PLEKHA6: variants seen among roughly 807,000 people sequenced by gnomAD.
PLEKHA6 encodes pleckstrin homology domain-containing family A member 6.
Under a neutral mutation model 116.7 loss-of-function variants are expected in PLEKHA6, and 60 were observed. The ratio of observed to expected loss-of-function variants is 0.51; its 90% CI spans 0.42 to 0.64. The LOEUF (loss-of-function observed/expected upper bound fraction) is 0.64, where lower values mean the gene tolerates loss of function less well. Among genes scored for constraint, PLEKHA6 ranks in the 30% least tolerant of loss-of-function variants. The probability of loss-of-function intolerance (pLI) is 0.00; values close to 1 mark genes in which losing one functional copy is unlikely to be tolerated. For missense variants in PLEKHA6, 1,338 were observed against 1,422.7 expected (o/e 0.94, Z 0.96); for synonymous variants, 489 against 556.1 (o/e 0.88, Z 1.70).
chr1:204,329,311 C>T (rs553875862), intron 1 of PLEKHA6, among the ~76,000 whole-genome samples: 8 of 152,286 alleles, frequency 5.3e-5, no homozygotes, highest in South Asian at 2.1e-4. Context: ...TCATGGGGCC[C>T]ATGTCTTACC....
intron 1 of PLEKHA6, chr1:204,282,551 A>T: frequency 1.4e-6 from 1 of 703,128 alleles, no homozygotes; most frequent in Non-Finnish European, 1.7e-6. Context: ...GCCTGGCACC[A>T]CAGGGCCCTC....
intron 3 of PLEKHA6, 92 bp from the exon 4 acceptor site, chr1:204,268,404 C>A: frequency 1.2e-6 from 1 of 823,428 alleles, no homozygotes; most frequent in Non-Finnish European, 1.8e-6. Flanking sequence ...GCTGCTTCTC[C>A]CTAGGGTTAA....
At chr1:204,265,602 T>A (rs1666701162) in intron 5 of PLEKHA6, among the ~76,000 whole-genome samples, 7 of 152,232 alleles carry the variant, frequency 4.6e-5, no homozygotes, top group Admixed American at 4.6e-4. Context: ...CCTCGCTAAA[T>A]GAGACCATCC....
Position 204,350,029 on chromosome 1 carries a change from T to TA in PLEKHA6, c.-95+9664dup, listed in dbSNP as rs527820405. 1.5e-4 allele frequency among the ~76,000 whole-genome samples: 23 copies of TA among 152,340 alleles called. No homozygotes were observed. The East Asian group carries it at 2.9e-3, about 19-fold the overall frequency. On this transcript the variant is annotated intron_variant, in intron 1 of 22. Coordinates refer to ENST00000272203, the MANE Select transcript of PLEKHA6 (RefSeq NM_014935.5). The stretch of plus-strand genomic sequence containing the variant: ...GTCAAAAATTTCGATGTCTTCCTTT[T>TA]AAAACATTCTGGCCAGGCGCAGTGG...
At chr1:204,308,612 C>G (rs1443517960) in intron 1 of PLEKHA6, among the ~76,000 whole-genome samples, 6 of 150,996 alleles carry the variant, frequency 4.0e-5, no homozygotes, top group African/African-American at 1.2e-4. Flanking sequence ...ATGGTAGGCA[C>G]TCAGTAAATG....
chr1:204,375,746 T>C (rs1269992044), intron 1 of PLEKHA6, among the ~76,000 whole-genome samples: 1 of 151,778 alleles, frequency 6.6e-6, no homozygotes, highest in African/African-American at 2.4e-5. Context: ...CCCCTTAGCT[T>C]AGCACATAAG....
chr1:204,280,069 G>C (rs957277514), intron 1 of PLEKHA6, among the ~76,000 whole-genome samples: 1 of 152,144 alleles, frequency 6.6e-6, no homozygotes, highest in Admixed American at 6.5e-5. Flanking sequence ...AGTGCCAGGG[G>C]CAGGCACTCT....
At chr1:204,272,591 G>C (rs1397801625) in intron 3 of PLEKHA6, among the ~76,000 whole-genome samples, 2 of 151,984 alleles carry the variant, frequency 1.3e-5, no homozygotes, top group Non-Finnish European at 2.9e-5. Flanking sequence ...AATAAAACAA[G>C]ACAACCGGAG....
chr1:204,322,966 A>C (rs1672118077), intron 1 of PLEKHA6, among the ~76,000 whole-genome samples: 2 of 152,230 alleles, frequency 1.3e-5, no homozygotes, highest in Non-Finnish European at 2.9e-5. Flanking sequence ...CTGATAGACC[A>C]TGCCCAAACC....
chr1:204,344,460 C>T (rs925277704), intron 1 of PLEKHA6, among the ~76,000 whole-genome samples: 1 of 151,842 alleles, frequency 6.6e-6, no homozygotes, highest in Non-Finnish European at 1.5e-5. Context: ...ATAAGCTGGA[C>T]GTGGTGGAGT....
chr1:204,255,807 TCTGCCCTTGAGGAGTTCTCAGGAAGGG>T, intron 9 of PLEKHA6: 1 of 647,836 alleles, frequency 1.5e-6, no homozygotes, highest in Non-Finnish European at 2.8e-6. Context: ...GGCTTCTCCC[TCTGCCCTTGAGGAGTTCTCAGGAAGGG>T]AGGGGTTGAG....
intron 4 of PLEKHA6, 73 bp from the exon 5 acceptor site, chr1:204,267,620 A>G: frequency 2.4e-6 from 3 of 1,274,680 alleles, no homozygotes; most frequent in Non-Finnish European, 3.4e-6. Context: ...TGCAGGGAAA[A>G]GGGCACAGTG....
chr1:204,323,647 T>A (rs138050269), intron 1 of PLEKHA6, among the ~76,000 whole-genome samples: 3 of 152,358 alleles, frequency 2.0e-5, no homozygotes, highest in Admixed American at 6.5e-5. Flanking sequence ...GTATTCCTGG[T>A]GCATAATAGG....
rs546301103 is a variant in PLEKHA6, at chr1:204,339,299, C to T, written c.-95+20395G>A. On this transcript the variant is annotated intron_variant, in intron 1 of 22. Coordinates refer to ENST00000272203, the MANE Select transcript of PLEKHA6 (RefSeq NM_014935.5). ...GACCCAAGCAAGGGCTACCCCTCCC[C>T]GAGCCCAGTCAACCTAGAGAACCCT... 5.9e-5 allele frequency among the ~76,000 whole-genome samples: 9 copies of T among 152,342 alleles called. No homozygotes were observed. In the South Asian group the frequency reaches 6.2e-4, roughly 11 times the overall value.
intron 7 of PLEKHA6, among the ~76,000 whole-genome samples, chr1:204,260,189 G>A (rs962363321): frequency 3.2e-4 from 48 of 152,194 alleles, no homozygotes; most frequent in African/African-American, 1.1e-3. Flanking sequence ...CGGGGCAGCT[G>A]TCTTTCTTAT....
At chr1:204,226,237 C>A (rs1459086448) in intron 21 of PLEKHA6, among the ~76,000 whole-genome samples, 1 of 152,196 alleles carries the variant, frequency 6.6e-6, no homozygotes, top group Non-Finnish European at 1.5e-5. Context: ...TCTGGCCCTG[C>A]CACAGCCCTT....
intron 1 of PLEKHA6, among the ~76,000 whole-genome samples, chr1:204,322,781 G>C (rs1672110976): frequency 6.6e-6 from 1 of 152,134 alleles, no homozygotes; most frequent in Admixed American, 6.5e-5. Context: ...TGTAGCTACT[G>C]CCCATGTAAA....
At chr1:204,273,917 T>G (rs1667740899) in intron 2 of PLEKHA6, among the ~76,000 whole-genome samples, 177 bp from the exon 3 acceptor site, 1 of 152,172 alleles carries the variant, frequency 6.6e-6, no homozygotes, top group East Asian at 1.9e-4. Flanking sequence ...AAATTATATG[T>G]CAGGGATCTT....
rs776577342 is a variant in PLEKHA6, at chr1:204,267,490, G to C, written c.265C>G (p.Leu89Val). ...KRWFVLVDRCLFYYKDEKEES... is the reference protein window; with the variant it reads ...KRWFVLVDRCVFYYKDEKEES... ...CCAAGCTCACCTTTATAGTAGAAGA[G>C]GCAGCGATCCACCAGGACGAACCAG... The change falls in exon 5 of 23, where the codon CTC becomes GTC. Residue 89 changes from leucine to valine, a missense_variant. By Grantham distance (32) the Leu-to-Val change is conservative (BLOSUM62 1). Coordinates refer to ENST00000272203, the MANE Select transcript of PLEKHA6 (RefSeq NM_014935.5). 3.8e-5 allele frequency: 62 copies of C among 1,613,934 alleles called. No homozygotes were observed. Among genetic ancestry groups the C allele is most frequent in the Non-Finnish European group, 4.8e-5 (57 of 1,179,974 alleles).
Sources: allele counts gnomAD v4.1 joint callset (sites outside exome capture counted in the v4.1 genomes callset), GRCh38; gene constraint gnomAD v4.1.1; transcripts MANE v1.5; gene names NCBI Gene and HGNC (gene_info 2026-07-23, HGNC 2026-07-21).